The following NPR2 variants were observed in gnomAD, a reference collection of about 807,000 sequenced individuals.
NPR2 encodes the protein atrial natriuretic peptide receptor 2.
NPR2 carries 49 observed loss-of-function variants against 120.7 expected under a neutral mutation model. The observed-to-expected ratio is 0.41, with a 90% CI of 0.32 to 0.52. The LOEUF (loss-of-function observed/expected upper bound fraction) is 0.52, where lower values mean the gene tolerates loss of function less well. NPR2 is among the 20% of genes least tolerant of loss of function. The pLI, the probability that NPR2 is intolerant of heterozygous loss-of-function variation, is 0.36. For synonymous variants in NPR2, 484 were observed against 519.8 expected (o/e 0.93, Z 0.94); for missense variants, 931 against 1,362.9 (o/e 0.68, Z 4.99).
Position 35,792,343 on chromosome 9 carries a change from C to T in NPR2, c.-66C>T. ...CCCAGGCTCCAGGCTGGGGGGTGCT[C>T]GCGTCTCCCCTGTAGGCCAGAGCAG... On this transcript the variant is annotated 5_prime_UTR_variant, in exon 1 of 22. Coordinates refer to ENST00000342694, the MANE Select transcript of NPR2 (RefSeq NM_003995.4). The T allele has an allele frequency of 2.0e-6, 3 of 1,526,968 alleles. No homozygotes were observed. The highest frequency in any genetic ancestry group is 2.7e-6 in the Non-Finnish European group (3 of 1,131,516). The allele number at this position is 1,526,968 out of a possible 1,614,324, so 94.6% of individuals were successfully genotyped here. A position where few individuals can be genotyped will look rare whatever the true frequency, so the allele number is the denominator to read the frequency against.
At chr9:35,799,472 G>C in intron 2 of NPR2, 146 bp from the exon 3 acceptor site, 1 of 688,010 alleles carries the variant, frequency 1.5e-6, no homozygotes, top group Admixed American at 2.0e-5. Flanking sequence ...AGAGAGAGAG[G>C]TTAGTAGCCC....
In NPR2 at chr9:35,793,092, C is replaced by G. The variant is rs772906273; in HGVS notation, c.667+17C>G. On this transcript the variant is annotated intron_variant, in intron 1 of 21. Transcript: ENST00000342694. ...ACGGGCGCAGTGAGTGTGGCCTGGGCTATTTTAGGGTCATGGGAGGAGGGT... is the reference window on the plus strand; with the variant it reads ...ACGGGCGCAGTGAGTGTGGCCTGGGGTATTTTAGGGTCATGGGAGGAGGGT... 1.3e-6 allele frequency: 2 copies of G among 1,577,102 alleles called. No homozygotes were observed. Among genetic ancestry groups the G allele is most frequent in the South Asian group, 2.3e-5 (2 of 86,836 alleles).
In NPR2 at chr9:35,805,638, C is replaced by A; in HGVS notation, c.2015C>A (p.Ala672Asp). 6.2e-7 allele frequency: 1 copy of A among 1,614,178 alleles called. No homozygotes were observed. The highest frequency in any genetic ancestry group is 1.1e-5 in the South Asian group (1 of 91,084). Residue 672 changes from alanine (A) to aspartate (D), a missense_variant, in exon 13 of 22, where the codon GCT becomes GAT. Coordinates refer to ENST00000342694, the MANE Select transcript of NPR2 (RefSeq NM_003995.4). The surrounding 1 kb of genome is among the most constrained non-coding windows in gnomAD (Gnocchi z 4.9). ...GGCCTGGCCAGCTTCCGATCAACTG[C>A]TGAACCTGATGACAGCCATGCCCTC... The part of the protein sequence containing the change: ...DYGLASFRST[A>D]EPDDSHALYA...
rs13294264 is a variant in NPR2 at position 35,807,545 on chromosome 9, C to T, written c.2712+147C>T. 0.16 allele frequency: 119,409 copies of T among 731,246 alleles called. 11,009 individuals carry two copies. The highest frequency in any genetic ancestry group is 0.26 in the East Asian group (10,654 of 40,238). 45.3% of individuals were successfully genotyped at this position (731,246 alleles called of 1,614,324 possible). ...AGCATCCTGGTGCTGGAGTGTACTT[C>T]GTAGACAGATGTAGCTCCAGCACTA... On this transcript the variant is annotated intron_variant, in intron 18 of 21. Coordinates refer to ENST00000342694, the MANE Select transcript of NPR2 (RefSeq NM_003995.4).
Position 35,809,672 on chromosome 9 carries a change from T to C in NPR2, c.*227T>C. The stretch of plus-strand genomic sequence containing the variant: ...CCTCCCTACTTTCTGTAAATATCTG[T>C]ATCTAAACCAGAATATTTTGGTCAA... On this transcript the variant is annotated 3_prime_UTR_variant, in exon 22 of 22. Transcript: ENST00000342694. The surrounding 1 kb of genome is among the most constrained non-coding windows in gnomAD (Gnocchi z 4.1). The C allele has an allele frequency of 8.8e-7, 1 of 1,130,502 alleles. No individual in the cohort carries two copies. The allele number at this position is 1,130,502 out of a possible 1,614,324, so 70.0% of individuals were successfully genotyped here.
chr9:35,799,781 G>C (rs767915156), intron 3 of NPR2, 50 bp downstream of exon 3: 2 of 1,509,700 alleles, frequency 1.3e-6, no homozygotes, highest in Admixed American at 3.3e-5. Context: ...TTGGGGAAGG[G>C]CTTCTCTCCC....
chr9:35,802,825 A>C lies in NPR2; in HGVS notation c.1887+22A>C, dbSNP rs1182720109. The C allele has an allele frequency of 6.7e-7, 1 of 1,499,008 alleles. No homozygotes were observed. Among genetic ancestry groups the C allele is most frequent in the Admixed American group, 1.7e-5 (1 of 59,890 alleles). The allele number at this position is 1,499,008 out of a possible 1,614,324, so 92.9% of individuals were successfully genotyped here. A position where few individuals can be genotyped will look rare whatever the true frequency, so the allele number is the denominator to read the frequency against. On this transcript the variant is annotated intron_variant, in intron 12 of 21. Coordinates refer to ENST00000342694, the MANE Select transcript of NPR2 (RefSeq NM_003995.4). This position sits in a 1 kb window ranked among gnomAD's most constrained non-coding sequence, Gnocchi z 4.2. ...TAAGGTGAGTCTTCCCCACTCCTTA[A>C]AAGTTCATCCACTTTAAATCACTTC...
In NPR2 at chr9:35,792,867, G is replaced by A. The variant is rs761638282; in HGVS notation, c.459G>A (p.Val153=). 1.2e-6 allele frequency: 2 copies of A among 1,614,166 alleles called. No individual in the cohort carries two copies. The highest frequency in any genetic ancestry group is 1.7e-6 in the Non-Finnish European group (2 of 1,180,032). The change falls in exon 1 of 22, where the codon GTG becomes GTA. Residue 153 remains valine (V), a synonymous_variant. Coordinates refer to ENST00000342694, the MANE Select transcript of NPR2 (RefSeq NM_003995.4). The part of the protein sequence containing the change: ...GPSAPKLGEF[V]VTLHGHFNWT... ...CTGCTCCCAAGCTGGGTGAGTTTGT[G>A]GTGACACTACACGGGCACTTCAATT... is the stretch of plus-strand genomic sequence containing the variant.
At position 35,803,601 on chromosome 9, in the gene NPR2, T is replaced by C. The variant is rs564990658; in HGVS notation, c.1887+798T>C. Among the ~76,000 whole-genome samples, 13 of 152,368 alleles carry C rather than the reference T, an allele frequency of 8.5e-5. No individual in the cohort carries two copies. In the South Asian group the frequency reaches 2.7e-3, roughly 32 times the overall value. On this transcript the variant is annotated intron_variant, in intron 12 of 21. Coordinates refer to ENST00000342694, the MANE Select transcript of NPR2 (RefSeq NM_003995.4). ...CAAGGAAGATTGTACTAAAAACCTT[T>C]GGTACTCTTCTGTTATACTAGGTTT...
Position 35,794,085 on chromosome 9 carries a change from C to T in NPR2, c.855C>T (p.Ala285=), listed in dbSNP as rs776544770. The T allele has an allele frequency of 1.9e-6, 3 of 1,613,896 alleles. No homozygotes were observed. The African/African-American group carries it at 4.0e-5, about 22-fold the overall frequency. Residue 285 remains alanine (A), a synonymous_variant, in exon 2 of 22, where the codon GCC becomes GCT. Coordinates refer to ENST00000342694, the MANE Select transcript of NPR2 (RefSeq NM_003995.4). ...QDNRTREQAQ[A]LREAFQTVLV... is the part of the protein sequence containing the mutation. ...ATCGCACCCGGGAACAGGCCCAGGC[C>T]CTCAGAGAGGCCTTTCAGGTATCAT...
rs1290363739 is a variant in NPR2, at chr9:35,802,567, T to C, written c.1775T>C (p.Ile592Thr). The C allele has an allele frequency of 1.2e-6, 2 of 1,607,772 alleles. No homozygotes were observed. The highest frequency in any genetic ancestry group is 1.7e-6 in the Non-Finnish European group (2 of 1,174,306). The change falls in exon 11 of 22, where the codon ATT becomes ACT. Residue 592 changes from isoleucine (I) to threonine (T), a missense_variant. By Grantham distance (89) the Ile-to-Thr change is moderately conservative (BLOSUM62 -1). Around this residue, in one of 3 missense-constraint regions of NPR2, gnomAD observed 681 missense variants for 974.3 expected, o/e 0.70. Transcript: ENST00000342694. The surrounding 1 kb of genome is among the most constrained non-coding windows in gnomAD (Gnocchi z 4.2). Reference protein sequence around the residue: ...FIGACIDPPNICIVTEYCPRG... With the variant: ...FIGACIDPPNTCIVTEYCPRG... ...GGCGCCTGCATAGACCCTCCCAACATTTGCATTGTCACTGAATACTGTCCT... is the reference window on the plus strand; with the variant it reads ...GGCGCCTGCATAGACCCTCCCAACACTTGCATTGTCACTGAATACTGTCCT...
rs747494019 is a variant in NPR2 at position 35,802,474 on chromosome 9, T to C, written c.1711-29T>C. The C allele has an allele frequency of 1.5e-6, 2 of 1,338,252 alleles. No individual in the cohort carries two copies. Among genetic ancestry groups the C allele is most frequent in the Non-Finnish European group, 2.2e-6 (2 of 928,074 alleles). 82.9% of individuals were successfully genotyped at this position (1,338,252 alleles called of 1,614,324 possible). A position where few individuals can be genotyped will look rare whatever the true frequency, so the allele number is the denominator to read the frequency against. ...CTAATTTTTAACTCTTTCAATTTTC[T>C]TATCCTTCCCATTGTTTTTTTCTGC... is the stretch of plus-strand genomic sequence containing the variant. On this transcript the variant is annotated intron_variant, in intron 10 of 21. Transcript: ENST00000342694. This position sits in a 1 kb window ranked among gnomAD's most constrained non-coding sequence, Gnocchi z 4.2.
intron 3 of NPR2, 119 bp from the exon 4 acceptor site, chr9:35,799,903 T>G (rs1828080074): frequency 6.6e-7 from 1 of 1,508,248 alleles, no homozygotes; most frequent in East Asian, 2.3e-5. Context: ...GATGGCACTT[T>G]AGGAATAAGA....
Position 35,791,958 on chromosome 9 carries a change from A to C in NPR2, c.-451A>C, listed in dbSNP as rs1489448866. Among the ~76,000 whole-genome samples the C allele has an allele frequency of 6.6e-6, 1 of 150,390 alleles. No individual in the cohort carries two copies. The highest frequency in any genetic ancestry group is 2.0e-4 in the East Asian group (1 of 5,102). On this transcript the variant is annotated 5_prime_UTR_variant, in exon 1 of 22. It removes an upstream start codon present in the reference 5' UTR. Coordinates refer to ENST00000342694, the MANE Select transcript of NPR2 (RefSeq NM_003995.4). ...CCTCCCACCTTACCCCCTTGGTCCT[A>C]TGTGGCGCAGCGCCCTCCTGCCCTC...
chr9:35,797,800 A>G (rs1827989156), intron 2 of NPR2, among the ~76,000 whole-genome samples: 1 of 152,182 alleles, frequency 6.6e-6, no homozygotes, highest in East Asian at 1.9e-4. Context: ...CCACAGCAAA[A>G]ACAGTTCTAG....
chr9:35,803,286 A>G (rs1828244669), intron 12 of NPR2, among the ~76,000 whole-genome samples: 1 of 118,214 alleles, frequency 8.5e-6, no homozygotes, highest in Non-Finnish European at 1.7e-5. Context: ...TTGTATTTTT[A>G]GTAGAGACGG....
Position 35,807,056 on chromosome 9 carries a change from T to C in NPR2, c.2553T>C (p.Thr851=). The change falls in exon 17 of 22, where the codon ACT becomes ACC. Residue 851 remains threonine, a synonymous_variant. Transcript: ENST00000342694. Reference sequence around the variant, plus strand: ...CAGAGCAGTTAAAACGGGGAGAGACTGTACAGGCTGAGGCCTTTGACAGTG... The same window carrying C: ...CAGAGCAGTTAAAACGGGGAGAGACCGTACAGGCTGAGGCCTTTGACAGTG... ...SVAEQLKRGE[T]VQAEAFDSVT... 1.2e-6 allele frequency: 2 copies of C among 1,614,010 alleles called. No homozygotes were observed. Among genetic ancestry groups the C allele is most frequent in the Non-Finnish European group, 1.7e-6 (2 of 1,179,932 alleles).
chr9:35,800,887 C>A lies in NPR2; in HGVS notation c.1351+46C>A, dbSNP rs2132079769. The A allele has an allele frequency of 1.2e-6, 2 of 1,613,254 alleles. No homozygotes were observed. The highest frequency in any genetic ancestry group is 2.2e-5 in the East Asian group (1 of 44,882). On this transcript the variant is annotated intron_variant, in intron 6 of 21. Coordinates refer to ENST00000342694, the MANE Select transcript of NPR2 (RefSeq NM_003995.4). This position sits in a 1 kb window ranked among gnomAD's most constrained non-coding sequence, Gnocchi z 4.7. ...GGAGCAGCTTTCCTCCCTTTGCTTT[C>A]CATTCATGGCCTCCACCCTCACTGA... is the stretch of plus-strand genomic sequence containing the variant.
At chr9:35,807,189 T>TC in intron 17 of NPR2, 43 bp downstream of exon 17, 3 of 522,076 alleles carry the variant, frequency 5.7e-6, no homozygotes, top group Admixed American at 2.0e-5. Flanking sequence ...GTTGGGTGGG[T>TC]AGGGACCTGG....
Sources: allele counts gnomAD v4.1 joint callset (sites outside exome capture counted in the v4.1 genomes callset), GRCh38; gene constraint gnomAD v4.1.1; regional missense constraint gnomAD v4.1.1; non-coding constraint Gnocchi (gnomAD v3.1); transcripts MANE v1.5; gene names NCBI Gene and HGNC (gene_info 2026-07-23, HGNC 2026-07-21).